CCNJL: variants seen among roughly 807,000 people sequenced by gnomAD.
The protein encoded by CCNJL is cyclin J like, also known as cyclin-J-like protein.
A neutral mutation model predicts 33.4 loss-of-function variants in CCNJL; 33 were observed. That is an observed-to-expected ratio of 0.99 (90% CI 0.75 to 1.32). The LOEUF (loss-of-function observed/expected upper bound fraction) is 1.32, where lower values mean the gene tolerates loss of function less well. Ranked by LOEUF, CCNJL falls within the 40% of genes most tolerant of loss-of-function variation. The probability of loss-of-function intolerance (pLI) is 0.00; values close to 1 mark genes in which losing one functional copy is unlikely to be tolerated. For missense variants in CCNJL, 512 were observed against 499.7 expected (o/e 1.02, Z -0.23); for synonymous variants, 227 against 220.9 (o/e 1.03, Z -0.24).
intron 2 of CCNJL, among the ~76,000 whole-genome samples, chr5:160,297,754 T>C (rs1244868003): frequency 1.3e-5 from 2 of 150,498 alleles, no homozygotes; most frequent in Non-Finnish European, 3.0e-5. Context: ...AAAAGAAATA[T>C]AAATAGAGAA....
At chr5:160,264,579 C>T (rs1047331099) in intron 3 of CCNJL, among the ~76,000 whole-genome samples, 4 of 151,476 alleles carry the variant, frequency 2.6e-5, no homozygotes, top group African/African-American at 9.7e-5. Flanking sequence ...TATGACAACA[C>T]ATAATATAAA....
Position 160,311,935 on chromosome 5 carries a change from C to T in CCNJL, c.-12G>A, listed in dbSNP as rs561420030. On this transcript the variant is annotated 5_prime_UTR_variant, in exon 2 of 6. Transcript: ENST00000257536. ...GGCTCATCCATCATCGCGTACGCAG[C>T]GCCGCTATCCGAGGCTACCCGGCTC... 7.4e-6 allele frequency: 12 copies of T among 1,613,738 alleles called. No individual in the cohort carries two copies. Among genetic ancestry groups the T allele is most frequent in the African/African-American group, 1.3e-5 (1 of 74,934 alleles).
At chr5:160,259,083 T>C (rs1561772190) in intron 4 of CCNJL, among the ~76,000 whole-genome samples, 1 of 152,214 alleles carries the variant, frequency 6.6e-6, no homozygotes, top group Non-Finnish European at 1.5e-5. Context: ...AGGGTAACTT[T>C]TATTGCTAAA....
At chr5:160,293,806 G>A (rs1762663761) in intron 2 of CCNJL, among the ~76,000 whole-genome samples, 1 of 152,194 alleles carries the variant, frequency 6.6e-6, no homozygotes, top group Admixed American at 6.5e-5. Flanking sequence ...GACATCAGAG[G>A]AGCGGGCCAG....
At chr5:160,263,518 C>A (rs1440958232) in intron 3 of CCNJL, among the ~76,000 whole-genome samples, 1 of 152,250 alleles carries the variant, frequency 6.6e-6, no homozygotes, top group East Asian at 1.9e-4. Flanking sequence ...AAATGCTCCA[C>A]ATTCTGGATC....
At chr5:160,298,541 G>A (rs1194438517) in intron 2 of CCNJL, among the ~76,000 whole-genome samples, 2 of 152,126 alleles carry the variant, frequency 1.3e-5, no homozygotes, top group African/African-American at 4.8e-5. Flanking sequence ...CCTACAGTCT[G>A]GGGAGGGAGC....
At chr5:160,307,792 G>A (rs933896994) in intron 2 of CCNJL, among the ~76,000 whole-genome samples, 3 of 152,166 alleles carry the variant, frequency 2.0e-5, no homozygotes, top group African/African-American at 7.2e-5. Flanking sequence ...TGCAGATGCA[G>A]CAGGGACAGG....
intron 2 of CCNJL, among the ~76,000 whole-genome samples, chr5:160,293,604 T>C (rs1184907585): frequency 6.6e-6 from 1 of 152,182 alleles, no homozygotes; most frequent in East Asian, 1.9e-4. Context: ...TGCGCACGCA[T>C]GTCCACTTCT....
At chr5:160,263,683 G>C (rs1235861536) in intron 3 of CCNJL, among the ~76,000 whole-genome samples, 2 of 152,172 alleles carry the variant, frequency 1.3e-5, no homozygotes, top group South Asian at 4.1e-4. Context: ...GATTAAGGTG[G>C]TGACACGAGA....
rs765627148 is a variant in CCNJL at position 160,253,729 on chromosome 5, T to A, written c.813A>T (p.Thr271=). Residue 271 remains threonine (T), a synonymous_variant, in exon 6 of 6, where the codon ACA becomes ACT. Coordinates refer to ENST00000257536, the MANE Select transcript of CCNJL (RefSeq NM_001308173.3). ...KSQALAMVPG[T]PPTPTQVLFQ... is the part of the protein sequence containing the mutation. ...ACAGCACTTGAGTGGGGGTGGGGGG[T>A]GTGCCGGGCACCATTGCCAAGGCCT... The A allele has an allele frequency of 6.3e-7, 1 of 1,576,176 alleles. No individual in the cohort carries two copies. The highest frequency in any genetic ancestry group is 8.6e-7 in the Non-Finnish European group (1 of 1,162,414).
intron 2 of CCNJL, among the ~76,000 whole-genome samples, chr5:160,283,008 T>TATATATATATATAC (rs1554120707): frequency 4.6e-4 from 24 of 52,652 alleles, no homozygotes; most frequent in African/African-American, 6.8e-4. Flanking sequence ...TATATATATA[T>TATATATATATATAC]ACATATATAT....
chr5:160,272,211 C>G (rs936723026), intron 3 of CCNJL, among the ~76,000 whole-genome samples: 1 of 152,196 alleles, frequency 6.6e-6, no homozygotes, highest in Non-Finnish European at 1.5e-5. Context: ...GAGACCCCAT[C>G]CCGTCCCCTG....
At chr5:160,271,372 A>G (rs891638674) in intron 3 of CCNJL, among the ~76,000 whole-genome samples, 3 of 152,204 alleles carry the variant, frequency 2.0e-5, no homozygotes, top group African/African-American at 7.2e-5. Context: ...TAAAATTAAA[A>G]TAAAAAAAAG....
At chr5:160,284,724 G>C (rs979501811) in intron 2 of CCNJL, among the ~76,000 whole-genome samples, 1 of 152,214 alleles carries the variant, frequency 6.6e-6, no homozygotes, top group African/African-American at 2.4e-5. Flanking sequence ...TTTGCTCATG[G>C]AAGGCTCTCA....
rs1227555393 is a variant in CCNJL, at chr5:160,250,866, G to A, written c.*2512C>T. 6.6e-6 allele frequency: 1 copy of A among 152,138 alleles called. No homozygotes were observed. The highest frequency in any genetic ancestry group is 1.5e-5 in the Non-Finnish European group (1 of 68,038). 9.4% of individuals were successfully genotyped at this position (152,138 alleles called of 1,614,324 possible). A position where few individuals can be genotyped will look rare whatever the true frequency, so the allele number is the denominator to read the frequency against. ...CTCCTTTTTTGGAGGTACTGGCCTT[G>A]ATGTACATTATGTTATTTAATCCTC... On this transcript the variant is annotated 3_prime_UTR_variant, in exon 6 of 6. Transcript: ENST00000257536.
intron 1 of CCNJL, among the ~76,000 whole-genome samples, chr5:160,322,354 T>A (rs1273931075): frequency 6.6e-6 from 1 of 152,186 alleles, no homozygotes; most frequent in Non-Finnish European, 1.5e-5. Flanking sequence ...TGGCTTTGAT[T>A]TTTTTCTAGT....
upstream of CCNJL, among the ~76,000 whole-genome samples, chr5:160,316,638 C>T (rs903536589): frequency 6.6e-6 from 1 of 152,302 alleles, no homozygotes; most frequent in South Asian, 2.1e-4. Flanking sequence ...ATGTTTCCTT[C>T]GGAAGTGATT....
chr5:160,290,044 A>G (rs1353963926), intron 2 of CCNJL, among the ~76,000 whole-genome samples: 1 of 152,174 alleles, frequency 6.6e-6, no homozygotes, highest in Non-Finnish European at 1.5e-5. Context: ...CTTTGAAAGC[A>G]TTTTGAGGCT....
At chr5:160,334,483 C>A (rs1253852746) in intron 1 of CCNJL, among the ~76,000 whole-genome samples, 1 of 152,186 alleles carries the variant, frequency 6.6e-6, no homozygotes. Context: ...ATTATAGGTG[C>A]CTGACATACA....
Sources: allele counts gnomAD v4.1 joint callset (sites outside exome capture counted in the v4.1 genomes callset), GRCh38; gene constraint gnomAD v4.1.1; transcripts MANE v1.5; gene names NCBI Gene and HGNC (gene_info 2026-07-23, HGNC 2026-07-21).